Variants in ZFHX3 observed in about 807,000 individuals in gnomAD.
ZFHX3 encodes zinc finger homeobox protein 3.
ZFHX3 carries 42 observed loss-of-function variants against 279.1 expected under a neutral mutation model. The observed-to-expected ratio is 0.15, with a 90% CI of 0.12 to 0.19. The LOEUF is 0.19. ZFHX3 is among the 10% of genes least tolerant of loss of function. ZFHX3 has a pLI of 1.00. For synonymous variants in ZFHX3, 2,293 were observed against 1,957.8 expected (o/e 1.17, Z -4.52); for missense variants, 4,981 against 4,754.0 (o/e 1.05, Z -1.40).
chr16:73,313,287 TC>T (rs560076617), intron 4 of ZFHX3, among the ~76,000 whole-genome samples: 200 of 152,336 alleles, frequency 1.3e-3, no homozygotes, highest in Non-Finnish European at 2.3e-3. Context: ...AACCTTTTTT[TC>T]CTTATAAATT....
intron 2 of ZFHX3, among the ~76,000 whole-genome samples, chr16:73,536,530 CTCATT>C (rs1334306876): frequency 9.9e-5 from 15 of 152,222 alleles, no homozygotes; most frequent in Non-Finnish European, 1.8e-4. Context: ...AAAGTATAAC[CTCATT>C]TAATTGTAAC....
At chr16:73,346,314 G>A (rs2016122610) in intron 3 of ZFHX3, among the ~76,000 whole-genome samples, 2 of 152,028 alleles carry the variant, frequency 1.3e-5, no homozygotes, top group Admixed American at 6.6e-5. Context: ...GAACACTCTG[G>A]GCTCTCCCAC....
intron 3 of ZFHX3, among the ~76,000 whole-genome samples, chr16:72,922,065 C>T (rs1040762653): frequency 3.3e-5 from 5 of 152,184 alleles, no homozygotes; most frequent in South Asian, 2.1e-4. Flanking sequence ...ACGGTAGGCA[C>T]GCCGTGAAGC....
chr16:72,984,989 G>A (rs1424951383), intron 1 of ZFHX3, among the ~76,000 whole-genome samples: 1 of 151,920 alleles, frequency 6.6e-6, no homozygotes, highest in Non-Finnish European at 1.5e-5. Flanking sequence ...GCAATTAAAA[G>A]AGGAAAAAAA....
In ZFHX3 at chr16:72,794,919, A is replaced by G; in HGVS notation, c.7763T>C (p.Leu2588Pro). The change falls in exon 9 of 10, where the codon CTG (leucine) becomes CCG (proline). Residue 2588 changes from leucine to proline, a missense_variant. Leu to Pro is a moderately conservative substitution (Grantham distance 98). Coordinates refer to ENST00000268489, the MANE Select transcript of ZFHX3 (RefSeq NM_006885.4). The surrounding 1 kb of genome is among the most constrained non-coding windows in gnomAD (Gnocchi z 4.2). ...AATCTGAGGTATGGCCCCAGAGAGCAGCTGGCTGGCCAGGAGTGGGTTACT... is the reference window on the plus strand; with the variant it reads ...AATCTGAGGTATGGCCCCAGAGAGCGGCTGGCTGGCCAGGAGTGGGTTACT... ...DPSNPLLASQ[L>P]LSGAIPQIPA... is the part of the protein sequence containing the mutation. 1 of 1,614,146 alleles carries G rather than the reference A, an allele frequency of 6.2e-7. No homozygotes were observed. The highest frequency in any genetic ancestry group is 1.1e-5 in the South Asian group (1 of 91,080).
intron 1 of ZFHX3, among the ~76,000 whole-genome samples, chr16:73,755,985 C>A (rs2053805070): frequency 6.6e-6 from 1 of 152,142 alleles, no homozygotes; most frequent in South Asian, 2.1e-4. Context: ...AACTTCTGAC[C>A]ACTCTCCACC....
At chr16:73,864,098 T>C (rs990015678) in intron 1 of ZFHX3, among the ~76,000 whole-genome samples, 3 of 152,200 alleles carry the variant, frequency 2.0e-5, no homozygotes, top group Non-Finnish European at 4.4e-5. Flanking sequence ...GTGTGTGTTA[T>C]CTACCTGCCT....
intron 2 of ZFHX3, among the ~76,000 whole-genome samples, chr16:73,569,614 A>G (rs2051714458): frequency 6.6e-6 from 1 of 152,180 alleles, no homozygotes; most frequent in African/African-American, 2.4e-5. Flanking sequence ...ACTCGGCCAC[A>G]ATGCATGTAT....
intron 1 of ZFHX3, among the ~76,000 whole-genome samples, chr16:73,842,889 C>G (rs1184163359): frequency 6.6e-6 from 1 of 152,084 alleles, no homozygotes; most frequent in Non-Finnish European, 1.5e-5. Context: ...CACCGCCTGT[C>G]CAAATCAGAA....
At chr16:73,101,703 G>A (rs1966233549) in intron 7 of ZFHX3, among the ~76,000 whole-genome samples, 1 of 149,518 alleles carries the variant, frequency 6.7e-6, no homozygotes, top group Non-Finnish European at 1.5e-5. Context: ...TGCCTGGCCA[G>A]AGTTTGGCAT....
rs149708028 is a variant in ZFHX3, at chr16:73,036,724, C to G, written c.-50+11028G>C. 9.3e-3 allele frequency among the ~76,000 whole-genome samples: 1,422 copies of G among 152,150 alleles called. 11 individuals carry two copies. Among genetic ancestry groups the G allele is most frequent in the Middle Eastern group, 0.027 (8 of 294 alleles). On this transcript the variant is annotated intron_variant, in intron 1 of 9. Transcript: ENST00000268489. ...CCCCTCGGTCGGTCGCTAGGAGAAA[C>G]CAACTTTTCTCCTTGGGTTAATCAA...
At chr16:73,439,933 CACA>C (rs2018060414) in intron 3 of ZFHX3, among the ~76,000 whole-genome samples, 2 of 78,234 alleles carry the variant, frequency 2.6e-5, no homozygotes, top group African/African-American at 5.2e-5. Flanking sequence ...AAAAAAAAAA[CACA>C]AAAAAAAAAA....
chr16:73,877,200 G>T (rs564097397), intron 1 of ZFHX3, among the ~76,000 whole-genome samples: 11 of 113,850 alleles, frequency 9.7e-5, no homozygotes, highest in African/African-American at 3.2e-4. Context: ...GGGGGGTTAG[G>T]TCGGGGGGGG....
intron 5 of ZFHX3, among the ~76,000 whole-genome samples, chr16:73,215,850 G>A (rs920333861): frequency 2.3e-4 from 35 of 152,236 alleles, no homozygotes; most frequent in African/African-American, 8.4e-4. Flanking sequence ...GGCTAATGGG[G>A]AGAGAGAGGT....
intron 1 of ZFHX3, among the ~76,000 whole-genome samples, chr16:73,753,474 T>A (rs2053778790): frequency 6.6e-6 from 1 of 152,150 alleles, no homozygotes; most frequent in Non-Finnish European, 1.5e-5. Context: ...AAATAACCCT[T>A]CCCTCAATTT....
chr16:73,112,363 T>C (rs1367013297), intron 7 of ZFHX3, among the ~76,000 whole-genome samples: 1 of 150,900 alleles, frequency 6.6e-6, no homozygotes, highest in Non-Finnish European at 1.5e-5. Flanking sequence ...GCTTTGGGAG[T>C]CCTAGTCTCA....
At chr16:73,297,612 C>T (rs868034130) in intron 4 of ZFHX3, among the ~76,000 whole-genome samples, 10 of 151,924 alleles carry the variant, frequency 6.6e-5, no homozygotes, top group Admixed American at 6.6e-5. Context: ...AGGAGTCAAA[C>T]GGGACACATG....
intron 2 of ZFHX3, among the ~76,000 whole-genome samples, chr16:73,481,948 T>C (rs1239928397): frequency 6.6e-6 from 1 of 152,132 alleles, no homozygotes; most frequent in African/African-American, 2.4e-5. Flanking sequence ...GATGACCCCA[T>C]AGCCAATAAA....
chr16:73,408,898 C>G (rs2017414657), intron 3 of ZFHX3, among the ~76,000 whole-genome samples: 1 of 152,030 alleles, frequency 6.6e-6, no homozygotes, highest in Non-Finnish European at 1.5e-5. Flanking sequence ...CAGACCTGCT[C>G]AAACTTTATA....
Sources: gnomAD v4.1 joint callset for allele counts (sites outside exome capture counted in the v4.1 genomes callset) on GRCh38, gnomAD v4.1.1 for gene constraint, Gnocchi (gnomAD v3.1) non-coding constraint, MANE v1.5 for transcripts, NCBI Gene and HGNC (gene_info 2026-07-23, HGNC 2026-07-21) for gene names.